Variants in PTCD1 observed in about 807,000 individuals in gnomAD.
The protein encoded by PTCD1 is pentatricopeptide repeat-containing protein 1, mitochondrial.
A neutral mutation model predicts 53.4 loss-of-function variants in PTCD1; 50 were observed. That is an observed-to-expected ratio of 0.94 (90% confidence interval 0.75 to 1.19). PTCD1 has a LOEUF of 1.19. PTCD1 is among the 50% of genes most tolerant of loss of function. The probability of loss-of-function intolerance (pLI) is 0.00; values close to 1 mark genes in which losing one functional copy is unlikely to be tolerated. For missense variants in PTCD1, 918 were observed against 904.8 expected (o/e 1.01, Z -0.19); for synonymous variants, 413 against 394.8 (o/e 1.05, Z -0.55).
In PTCD1 at chr7:99,429,815, A is replaced by G. The variant is rs1796191234; in HGVS notation, c.595-9T>C. Reference sequence around the variant, plus strand: ...AGGTCCCGCTTTTTCATCTGTGGAGATGGAAGAAGCTCAGTGGTGGCCCGG... The same window carrying G: ...AGGTCCCGCTTTTTCATCTGTGGAGGTGGAAGAAGCTCAGTGGTGGCCCGG... On this transcript the variant is annotated splice_polypyrimidine_tract_variant and intron_variant, in intron 3 of 7. Coordinates refer to ENST00000292478, the MANE Select transcript of PTCD1 (RefSeq NM_015545.4). 2 of 1,613,726 alleles carry G rather than the reference A, an allele frequency of 1.2e-6. No homozygotes were observed. Among genetic ancestry groups the G allele is most frequent in the Non-Finnish European group, 1.7e-6 (2 of 1,179,974 alleles).
chr7:99,427,064 C>T (rs543183769), intron 5 of PTCD1, among the ~76,000 whole-genome samples: 1 of 151,920 alleles, frequency 6.6e-6, no homozygotes, highest in South Asian at 2.1e-4. Flanking sequence ...GCCCGGCAGC[C>T]ACCCCGTCCG....
At position 99,434,888 on chromosome 7, in the gene PTCD1, C is replaced by G. The variant is rs1226331169; in HGVS notation, c.355G>C (p.Asp119His). Residue 119 changes from aspartate (D) to histidine (H), a missense_variant, in exon 2 of 8, where the codon GAT becomes CAT. Physicochemically the swap from Asp to His is moderately conservative, Grantham distance 81. Transcript: ENST00000292478. ...FHNLRFGERR[D>H]EQMEPEPKLW... is the part of the protein sequence containing the mutation. ...TTGGGCTCCGGTTCCATTTGCTCAT[C>G]TCTCCGTTCCCCAAACCGCAGGTTA... The G allele has an allele frequency of 6.2e-7, 1 of 1,614,238 alleles. No individual in the cohort carries two copies. The highest frequency in any genetic ancestry group is 8.5e-7 in the Non-Finnish European group (1 of 1,180,048).
At chr7:99,421,222 A>G (rs1434371792) in intron 7 of PTCD1, among the ~76,000 whole-genome samples, 6 of 152,072 alleles carry the variant, frequency 3.9e-5, no homozygotes, top group Admixed American at 3.9e-4. Context: ...GGCGGATTAC[A>G]TGAGCTCAGG....
In PTCD1 at chr7:99,419,320, T is replaced by G; in HGVS notation, c.*647A>C. ...GGTGGCAGGTCCTTCGTGGGAGGGTTGCCACATATGTGAGTGTGCAGGGGC... is the reference window on the plus strand; with the variant it reads ...GGTGGCAGGTCCTTCGTGGGAGGGTGGCCACATATGTGAGTGTGCAGGGGC... On this transcript the variant is annotated 3_prime_UTR_variant, in exon 8 of 8. Transcript: ENST00000292478. 1.3e-6 allele frequency: 2 copies of G among 1,569,564 alleles called. No individual in the cohort carries two copies. Among genetic ancestry groups the G allele is most frequent in the South Asian group, 2.2e-5 (2 of 90,292 alleles).
In PTCD1 at chr7:99,419,449, G is replaced by A. The variant is rs199951576; in HGVS notation, c.*518C>T. 6.9e-5 allele frequency: 111 copies of A among 1,610,698 alleles called. No homozygotes were observed. The highest frequency in any genetic ancestry group is 3.3e-4 in the East Asian group (15 of 44,878). On this transcript the variant is annotated 3_prime_UTR_variant, in exon 8 of 8. Transcript: ENST00000292478. ...CGTGGCTGCTCTGGCTGAGGCTGGCGCGCTCCACCCTGGACTCTGGACTTC... is the reference window on the plus strand; with the variant it reads ...CGTGGCTGCTCTGGCTGAGGCTGGCACGCTCCACCCTGGACTCTGGACTTC...
chr7:99,425,226 C>G lies in PTCD1; in HGVS notation c.1306G>C (p.Val436Leu), dbSNP rs577221004. 6.2e-7 allele frequency: 1 copy of G among 1,611,934 alleles called. No individual in the cohort carries two copies. Among genetic ancestry groups the G allele is most frequent in the South Asian group, 1.1e-5 (1 of 91,012 alleles). Residue 436 changes from valine to leucine, a missense_variant, in exon 6 of 8, where the codon GTG becomes CTG. Coordinates refer to ENST00000292478, the MANE Select transcript of PTCD1 (RefSeq NM_015545.4). The part of the protein sequence containing the change: ...LTAVALKPPP[V>L]ELEVNLLTPG... ...GTCAGGAGGTTGACTTCCAGCTCCA[C>G]GGGAGGTGGCTTCAGGGCCACTGCG... is the stretch of plus-strand genomic sequence containing the variant.
At chr7:99,431,135 C>CT (rs1200297258) in intron 3 of PTCD1, among the ~76,000 whole-genome samples, 10 of 150,070 alleles carry the variant, frequency 6.7e-5, no homozygotes, top group African/African-American at 1.5e-4. Flanking sequence ...AGTTTTTTTT[C>CT]TTTTTTTTTG....
At chr7:99,429,072 A>G in intron 5 of PTCD1, 31 bp downstream of exon 5, 1 of 1,613,012 alleles carries the variant, frequency 6.2e-7, no homozygotes, top group Non-Finnish European at 8.5e-7. Context: ...CCGGGGAAGC[A>G]GGGCAGGAAG....
At position 99,425,076 on chromosome 7, in the gene PTCD1, C is replaced by T. The variant is rs145450760; in HGVS notation, c.1456G>A (p.Asp486Asn). ...GCCAGTAGCGTGAGGGTCCTGATGT[C>T]GGGCTGCTGCCTGTGCTCTGCCATC... ...SKMAEHRQQP[D>N]IRTLTLLAEV... Residue 486 changes from aspartate to asparagine, a missense_variant, in exon 6 of 8, where the codon GAC (aspartate) becomes AAC (asparagine). Coordinates refer to ENST00000292478, the MANE Select transcript of PTCD1 (RefSeq NM_015545.4). 1.2e-5 allele frequency: 20 copies of T among 1,613,966 alleles called. No individual in the cohort carries two copies. Among genetic ancestry groups the T allele is most frequent in the South Asian group, 3.3e-5 (3 of 91,094 alleles).
rs1796410592 is a variant in PTCD1 at position 99,435,165 on chromosome 7, G to A, written c.78C>T (p.Pro26=). Residue 26 remains proline (P), a synonymous_variant, in exon 2 of 8, where the codon CCC becomes CCT. Transcript: ENST00000292478. ...TGCCTCCTGCCCACCTGGCTCTACA[G>A]GGGTCCAGGTGTTGCAGGATGAACA... ...MGLFILQHLD[P]CRARWAGGRE... 3.1e-6 allele frequency: 5 copies of A among 1,603,334 alleles called. No individual in the cohort carries two copies. Among genetic ancestry groups the A allele is most frequent in the African/African-American group, 1.3e-5 (1 of 74,854 alleles).
In PTCD1 at chr7:99,419,201, C is replaced by T. The variant is rs773121327; in HGVS notation, c.*766G>A. 5 of 607,692 alleles carry T rather than the reference C, an allele frequency of 8.2e-6. No individual in the cohort carries two copies. Among genetic ancestry groups the T allele is most frequent in the Non-Finnish European group, 1.5e-5 (5 of 339,494 alleles). 37.6% of individuals were successfully genotyped at this position (607,692 alleles called of 1,614,324 possible). On this transcript the variant is annotated 3_prime_UTR_variant, in exon 8 of 8. Coordinates refer to ENST00000292478, the MANE Select transcript of PTCD1 (RefSeq NM_015545.4). ...AGACATACAGATGTAACCTCGGTGTCAACAGCAGCTGGTTCTACCTTCATG... is the reference window on the plus strand; with the variant it reads ...AGACATACAGATGTAACCTCGGTGTTAACAGCAGCTGGTTCTACCTTCATG...
At chr7:99,427,618 T>C (rs1796103168) in intron 5 of PTCD1, among the ~76,000 whole-genome samples, 1 of 152,080 alleles carries the variant, frequency 6.6e-6, no homozygotes, top group Non-Finnish European at 1.5e-5. Flanking sequence ...CAGCGGCTCA[T>C]TGAGAACGGG....
rs1007871123 is a variant in PTCD1 at position 99,417,881 on chromosome 7, G to T, written c.*2086C>A. 7.4e-7 allele frequency: 1 copy of T among 1,359,946 alleles called. No homozygotes were observed. The highest frequency in any genetic ancestry group is 9.5e-7 in the Non-Finnish European group (1 of 1,050,042). The allele number at this position is 1,359,946 out of a possible 1,614,324, so 84.2% of individuals were successfully genotyped here. On this transcript the variant is annotated 3_prime_UTR_variant, in exon 8 of 8. Transcript: ENST00000292478. ...GGTGGTGGGGAGCCCTAATCCCAAG[G>T]TGGTGGCAGGGTGACATCAGGGAAG...
At chr7:99,421,013 G>A (rs535751183) in intron 7 of PTCD1, among the ~76,000 whole-genome samples, 7 of 152,166 alleles carry the variant, frequency 4.6e-5, no homozygotes, top group South Asian at 2.1e-4. Context: ...TTAAGGTGCC[G>A]GATAGAGCCT....
chr7:99,430,951 T>G (rs1490348939), intron 3 of PTCD1, among the ~76,000 whole-genome samples: 1 of 151,986 alleles, frequency 6.6e-6, no homozygotes, highest in Non-Finnish European at 1.5e-5. Context: ...GGTGGGCGCC[T>G]TTAATCCCAG....
intron 3 of PTCD1, chr7:99,432,934 A>G (rs1190094818): frequency 2.4e-6 from 1 of 410,132 alleles, no homozygotes; most frequent in African/African-American, 2.0e-5. Flanking sequence ...CTGTGCTCAC[A>G]GCTACTGGCG....
At chr7:99,426,640 G>A (rs553980297) in intron 5 of PTCD1, among the ~76,000 whole-genome samples, 8 of 142,524 alleles carry the variant, frequency 5.6e-5, no homozygotes, top group South Asian at 2.3e-4. Flanking sequence ...GCCGCCCATC[G>A]TCTGGGATGT....
chr7:99,428,418 A>T (rs1796135784), intron 5 of PTCD1, among the ~76,000 whole-genome samples: 1 of 151,284 alleles, frequency 6.6e-6, no homozygotes. Context: ...AAAAAAAAAA[A>T]AATTAAAAAC....
chr7:99,433,210 G>A lies in PTCD1; in HGVS notation c.594+68C>T, dbSNP rs1796331103. On this transcript the variant is annotated intron_variant, in intron 3 of 7. Transcript: ENST00000292478. ...CCTGCCCAGTGTAAAGCACTAGCAA[G>A]TGGCACACTTGGGATCCGCCCCCAG... 4 of 1,613,020 alleles carry A rather than the reference G, an allele frequency of 2.5e-6. No homozygotes were observed. The African/African-American group carries it at 5.3e-5, about 22-fold the overall frequency.
Sources: allele counts gnomAD v4.1 joint callset (sites outside exome capture counted in the v4.1 genomes callset), GRCh38; gene constraint gnomAD v4.1.1; transcripts MANE v1.5; gene names NCBI Gene and HGNC (gene_info 2026-07-23, HGNC 2026-07-21).